The following MTCL3 variants were observed in gnomAD, a reference collection of about 807,000 sequenced individuals.
The protein encoded by MTCL3 is microtubule cross-linking factor 3.
At chr6:127,491,046 T>C in the MTCL3 span, among the ~76,000 whole-genome samples, 1 of 152,208 alleles carries the variant, frequency 6.6e-6, no homozygotes, top group African/African-American at 2.4e-5. Context: ...ACAACTTTAA[T>C]GGATGAGGAG....
the MTCL3 span, among the ~76,000 whole-genome samples, chr6:127,487,789 TC>T: frequency 6.6e-6 from 1 of 152,180 alleles, no homozygotes; most frequent in Non-Finnish European, 1.5e-5. Context: ...GCAAAATCTT[TC>T]AGTGGCTTCC....
chr6:127,490,236 C>A, the MTCL3 span, among the ~76,000 whole-genome samples: 1 of 152,130 alleles, frequency 6.6e-6, no homozygotes, highest in South Asian at 2.1e-4. Context: ...ACCTACTGCT[C>A]AGAAGAAAGG....
chr6:127,519,210 A>C, the MTCL3 span: 1 of 152,292 alleles, frequency 6.6e-6, no homozygotes, highest in Non-Finnish European at 1.5e-5. Context: ...GTTTCCTGCA[A>C]AGCTTTGTCC....
chr6:127,511,667 G>C, the MTCL3 span, among the ~76,000 whole-genome samples: 38 of 152,226 alleles, frequency 2.5e-4, no homozygotes, highest in South Asian at 1.2e-3. Context: ...CTATAGCACA[G>C]AGCGACTCCT....
chr6:127,503,618 G>A, the MTCL3 span, among the ~76,000 whole-genome samples: 7 of 152,118 alleles, frequency 4.6e-5, no homozygotes, highest in Non-Finnish European at 7.3e-5. Flanking sequence ...CTTGTTCTTG[G>A]GTTCCTGTCC....
chr6:127,515,484 C>A, the MTCL3 span: 2 of 1,406,248 alleles, frequency 1.4e-6, no homozygotes, highest in South Asian at 3.4e-5. This position sits in a 1 kb window ranked among gnomAD's most constrained non-coding sequence, Gnocchi z 4.3. Context: ...CTCTTCCCAT[C>A]CCCCAGCCGG....
the MTCL3 span, chr6:127,516,276 G>C: frequency 1.5e-5 from 22 of 1,503,066 alleles, no homozygotes; most frequent in South Asian, 5.1e-5. Flanking sequence ...CTCCCGGAGC[G>C]GCCCCTTTGG....
chr6:127,498,512 C>T, the MTCL3 span, among the ~76,000 whole-genome samples: 1 of 152,148 alleles, frequency 6.6e-6, no homozygotes, highest in South Asian at 2.1e-4. Context: ...CTTTGGAAAA[C>T]AGTTGGCAGT....
the MTCL3 span, among the ~76,000 whole-genome samples, chr6:127,488,305 G>T: frequency 6.6e-6 from 1 of 152,062 alleles, no homozygotes; most frequent in Non-Finnish European, 1.5e-5. Flanking sequence ...CTCTTCCTTT[G>T]CATATTCCTT....
chr6:127,475,965 G>C, the MTCL3 span: 1 of 1,611,448 alleles, frequency 6.2e-7, no homozygotes. This position sits in a 1 kb window ranked among gnomAD's most constrained non-coding sequence, Gnocchi z 7.3. Flanking sequence ...GCGCGCTGTC[G>C]TGGCCGCCGG....
At chr6:127,514,402 G>A in the MTCL3 span, among the ~76,000 whole-genome samples, 1 of 152,170 alleles carries the variant, frequency 6.6e-6, no homozygotes, top group Admixed American at 6.5e-5. Context: ...TTCCTATTTT[G>A]GGTTTCAACT....
At chr6:127,495,068 A>T in the MTCL3 span, among the ~76,000 whole-genome samples, 8 of 149,652 alleles carry the variant, frequency 5.3e-5, no homozygotes, top group South Asian at 1.7e-3. Flanking sequence ...ATGGTGGTGG[A>T]CACCTATAGT....
At chr6:127,484,573 C>T in the MTCL3 span, among the ~76,000 whole-genome samples, 5 of 152,184 alleles carry the variant, frequency 3.3e-5, no homozygotes, top group South Asian at 1.0e-3. Context: ...TTATTGAATG[C>T]TTGTATTTGA....
At chr6:127,515,125 C>G in the MTCL3 span, 9 of 1,283,198 alleles carry the variant, frequency 7.0e-6, no homozygotes, top group Non-Finnish European at 1.0e-5. The surrounding 1 kb of genome is among the most constrained non-coding windows in gnomAD (Gnocchi z 4.3). Context: ...CACCCCATTC[C>G]AATTCCAAAT....
chr6:127,506,040 T>G, the MTCL3 span, among the ~76,000 whole-genome samples: 1 of 152,210 alleles, frequency 6.6e-6, no homozygotes, highest in Admixed American at 6.5e-5. Context: ...ATTTACATAT[T>G]AAAAACTGAG....
At chr6:127,502,058 C>G in the MTCL3 span, among the ~76,000 whole-genome samples, 3 of 152,166 alleles carry the variant, frequency 2.0e-5, no homozygotes. Flanking sequence ...GCTCCTATGA[C>G]AGCAATCTTA....
the MTCL3 span, among the ~76,000 whole-genome samples, chr6:127,494,145 C>T: frequency 1.3e-5 from 2 of 152,146 alleles, no homozygotes; most frequent in Admixed American, 1.3e-4. Flanking sequence ...CATATCTGCC[C>T]TTTTCCTAGT....
chr6:127,514,524 C>A, the MTCL3 span, among the ~76,000 whole-genome samples: 1 of 152,234 alleles, frequency 6.6e-6, no homozygotes, highest in Non-Finnish European at 1.5e-5. Flanking sequence ...TCTGCCACGC[C>A]CTTGCTTCTG....
At chr6:127,480,623 G>A in the MTCL3 span, among the ~76,000 whole-genome samples, 12 of 152,312 alleles carry the variant, frequency 7.9e-5, no homozygotes, top group South Asian at 2.1e-4. Flanking sequence ...TTGAACATGT[G>A]CAGAGTGCCA....
Sources: allele counts gnomAD v4.1 joint callset (sites outside exome capture counted in the v4.1 genomes callset), GRCh38; gene constraint gnomAD v4.1.1; non-coding constraint Gnocchi (gnomAD v3.1); transcripts MANE v1.5; gene names NCBI Gene and HGNC (gene_info 2026-07-23, HGNC 2026-07-21).